Variants in ANKRD44 observed in about 807,000 individuals in gnomAD.
ANKRD44 encodes serine/threonine-protein phosphatase 6 regulatory ankyrin repeat subunit B.
In ANKRD44, 35 loss-of-function variants were observed where a neutral mutation model predicts 116.0. The observed-to-expected ratio is 0.30, with a 90% CI of 0.23 to 0.40. The LOEUF (loss-of-function observed/expected upper bound fraction) is 0.40, where lower values mean the gene tolerates loss of function less well. Among genes scored for constraint, ANKRD44 ranks in the 10% least tolerant of loss-of-function variants. The probability of loss-of-function intolerance (pLI) is 1.00; values close to 1 mark genes in which losing one functional copy is unlikely to be tolerated. For missense variants in ANKRD44, 1,014 were observed against 1,242.6 expected, an observed-to-expected ratio of 0.82 and a Z score of 2.77; for synonymous variants, 435 against 461.8, an observed-to-expected ratio of 0.94 and a Z score of 0.74.
At chr2:197,105,666 T>C (rs1370021213) in intron 9 of ANKRD44, among the ~76,000 whole-genome samples, 1 of 152,228 alleles carries the variant, frequency 6.6e-6, no homozygotes, top group Non-Finnish European at 1.5e-5. Flanking sequence ...TTAGTTATTG[T>C]GATCGTCTAG....
chr2:197,027,891 C>T (rs371538656), intron 16 of ANKRD44, among the ~76,000 whole-genome samples: 20 of 151,898 alleles, frequency 1.3e-4, no homozygotes, highest in African/African-American at 4.8e-4. Context: ...GATCTCACTA[C>T]GTTTCCCAGG....
Position 196,967,637 on chromosome 2 carries a change from AAACT to A in ANKRD44, c.2369-195_2369-192del, listed in dbSNP as rs528405868. Among the ~76,000 whole-genome samples, 767 of 152,330 alleles carry A rather than the reference AAACT, an allele frequency of 5.0e-3. 6 individuals are homozygous for A. Among genetic ancestry groups the A allele is most frequent in the Non-Finnish European group, 7.7e-3 (521 of 68,032 alleles). ...AACCGGTACAAACTAGTTCTTTAAA[AAACT>A]AACTATACAAATAATCGTATGCAAT... On this transcript the variant is annotated intron_variant, in intron 21 of 21. Transcript: ENST00000424317.
chr2:197,034,011 T>C (rs1024878627), intron 16 of ANKRD44, among the ~76,000 whole-genome samples: 3 of 148,716 alleles, frequency 2.0e-5, no homozygotes, highest in Non-Finnish European at 4.4e-5. Context: ...GCTCAGATAC[T>C]CTAGTCTCAT....
chr2:197,178,664 C>G (rs971398106), intron 2 of ANKRD44, among the ~76,000 whole-genome samples: 3 of 152,160 alleles, frequency 2.0e-5, no homozygotes, highest in African/African-American at 7.2e-5. Context: ...ACTTGATTGA[C>G]AAAGGTAACC....
intron 1 of ANKRD44, among the ~76,000 whole-genome samples, chr2:197,251,887 A>C (rs916842258): frequency 6.6e-6 from 1 of 152,222 alleles, no homozygotes; most frequent in African/African-American, 2.4e-5. Flanking sequence ...GAAGGTTTCC[A>C]CTACTTATTT....
intron 1 of ANKRD44, among the ~76,000 whole-genome samples, chr2:197,191,243 G>A (rs764835311): frequency 2.0e-5 from 3 of 152,188 alleles, no homozygotes; most frequent in Admixed American, 6.5e-5. Flanking sequence ...GGGATTTGTT[G>A]TTCAGATGGG....
At chr2:197,097,240 C>T (rs2078180982) in intron 10 of ANKRD44, among the ~76,000 whole-genome samples, 1 of 152,044 alleles carries the variant, frequency 6.6e-6, no homozygotes, top group African/African-American at 2.4e-5. Flanking sequence ...GGATTCAAGT[C>T]TGGAAGAAAA....
intron 26 of ANKRD44, among the ~76,000 whole-genome samples, 180 bp from the exon 27 acceptor site, chr2:196,993,854 G>C (rs1437886142): frequency 6.6e-6 from 1 of 152,204 alleles, no homozygotes; most frequent in East Asian, 1.9e-4. Context: ...TGGTCCAACT[G>C]TTGTTGTATG....
At chr2:197,180,131 T>G (rs1018117407) in intron 2 of ANKRD44, among the ~76,000 whole-genome samples, 2 of 151,652 alleles carry the variant, frequency 1.3e-5, no homozygotes, top group African/African-American at 4.8e-5. Flanking sequence ...CCACTGCTCT[T>G]CCCAGAACAC....
intron 1 of ANKRD44, among the ~76,000 whole-genome samples, chr2:197,267,710 T>G (rs1287762001): frequency 6.6e-6 from 1 of 152,226 alleles, no homozygotes; most frequent in African/African-American, 2.4e-5. Flanking sequence ...GTTATCTAAG[T>G]AAGCAGCTGT....
At chr2:197,184,978 C>G (rs2080617838) in intron 2 of ANKRD44, among the ~76,000 whole-genome samples, 1 of 152,200 alleles carries the variant, frequency 6.6e-6, no homozygotes, top group Non-Finnish European at 1.5e-5. Flanking sequence ...CATTCAGGGG[C>G]CAGTACAAAC....
At chr2:197,163,795 T>C (rs1308004501) in intron 2 of ANKRD44, among the ~76,000 whole-genome samples, 1 of 152,198 alleles carries the variant, frequency 6.6e-6, no homozygotes, top group East Asian at 1.9e-4. Context: ...GTCCAGCTAA[T>C]TTTTGTATAT....
chr2:196,983,452 T>G (rs5016260), downstream of ANKRD44, among the ~76,000 whole-genome samples: 133,978 of 152,148 alleles, frequency 0.88, 59,615 homozygotes, highest in East Asian at 1. Context: ...GGCACTAGCC[T>G]TTTCCTCTCC....
intron 2 of ANKRD44, among the ~76,000 whole-genome samples, chr2:197,165,198 A>G (rs576385508): frequency 1.1e-3 from 165 of 152,318 alleles, no homozygotes; most frequent in African/African-American, 3.9e-3. Context: ...CGAAAGACTG[A>G]GCAAATTCCA....
chr2:197,308,490 C>G (rs760214443), intron 1 of ANKRD44, among the ~76,000 whole-genome samples: 1 of 152,182 alleles, frequency 6.6e-6, no homozygotes, highest in Non-Finnish European at 1.5e-5. Context: ...CACCCCACCC[C>G]ACCCAGGCCA....
rs530399696 is a variant in ANKRD44, at chr2:197,272,329, C to T, written c.27+38249G>A. On this transcript the variant is annotated intron_variant, in intron 1 of 27. Coordinates refer to ENST00000282272, the MANE Select transcript of ANKRD44 (RefSeq NM_001195144.2). ...TCTCAGCTCACTGCAACCTCCGCCTCCCGGGTTCAAGCAATTTCCTGCCTC... is the reference window on the plus strand; with the variant it reads ...TCTCAGCTCACTGCAACCTCCGCCTTCCGGGTTCAAGCAATTTCCTGCCTC... Among the ~76,000 whole-genome samples, 25 of 152,308 alleles carry T rather than the reference C, an allele frequency of 1.6e-4. No individual in the cohort carries two copies. In the South Asian group the frequency reaches 4.8e-3, roughly 29 times the overall value.
At chr2:196,999,840 G>A (rs974611653) in intron 23 of ANKRD44, among the ~76,000 whole-genome samples, 1 of 151,958 alleles carries the variant, frequency 6.6e-6, no homozygotes, top group African/African-American at 2.4e-5. Flanking sequence ...TGATCCACCC[G>A]CCTCGGCCTC....
At position 196,990,069 on chromosome 2, in the gene ANKRD44, A is replaced by G. The variant is rs2075890821; in HGVS notation, c.2924-420T>C. ...CAAAAAAAGCAAGTTCAATTTTTCA[A>G]TTCATCTGGCAACTTTAACAGAGAT... On this transcript the variant is annotated intron_variant, in intron 27 of 27. Transcript: ENST00000282272. The G allele has an allele frequency of 5.0e-6, 5 of 1,009,910 alleles. No homozygotes were observed. The South Asian group carries it at 1.2e-4, about 25-fold the overall frequency. The allele number at this position is 1,009,910 out of a possible 1,614,324, so 62.6% of individuals were successfully genotyped here.
rs145605329 is a variant in ANKRD44 at position 197,159,635 on chromosome 2, C to T, written c.112-12530G>A. Among the ~76,000 whole-genome samples, 658 of 152,246 alleles carry T rather than the reference C, an allele frequency of 4.3e-3. 3 individuals carry two copies. Among genetic ancestry groups the T allele is most frequent in the African/African-American group, 0.014 (600 of 41,544 alleles). On this transcript the variant is annotated intron_variant, in intron 2 of 27. Transcript: ENST00000282272. ...ATATGTGAGTGTGTTTCTTTGAAAA[C>T]GACAAAACATTACATTTATGATTAA...
Sources: gnomAD v4.1 joint callset for allele counts (sites outside exome capture counted in the v4.1 genomes callset) on GRCh38, gnomAD v4.1.1 for gene constraint, MANE v1.5 for transcripts, NCBI Gene and HGNC (gene_info 2026-07-23, HGNC 2026-07-21) for gene names.